Variants in CPSF2 observed in about 807,000 individuals in gnomAD.
CPSF2 encodes the protein cleavage and polyadenylation specific factor 2.
CPSF2 carries 51 observed loss-of-function variants against 84.2 expected under a neutral mutation model. That is an observed-to-expected ratio of 0.61 (90% CI 0.48 to 0.77). The LOEUF is 0.77. Ranked by LOEUF, CPSF2 falls within the 30% of genes least tolerant of loss-of-function variation. CPSF2 has a pLI of 0.00. For synonymous variants in CPSF2, 286 were observed against 311.9 expected, an observed-to-expected ratio of 0.92 and a Z score of 0.87; for missense variants, 641 against 929.4, an observed-to-expected ratio of 0.69 and a Z score of 4.03.
chr14:92,136,808 A>G (rs1042227139), intron 6 of CPSF2, among the ~76,000 whole-genome samples: 4 of 152,220 alleles, frequency 2.6e-5, no homozygotes, highest in Non-Finnish European at 5.9e-5. Flanking sequence ...GAAGGATTCA[A>G]CCATTTTGGA....
intron 14 of CPSF2, 92 bp downstream of exon 14, chr14:92,159,374 T>G: frequency 1.0e-6 from 1 of 968,604 alleles, no homozygotes; most frequent in Non-Finnish European, 1.6e-6. Context: ...CTTCTAAAAC[T>G]AAGTGGGTCT....
intron 9 of CPSF2, among the ~76,000 whole-genome samples, 193 bp downstream of exon 9, chr14:92,143,487 G>C (rs1014035627): frequency 6.6e-6 from 1 of 152,086 alleles, no homozygotes; most frequent in African/African-American, 2.4e-5. Flanking sequence ...AGGACCACTC[G>C]AGCCCAGGAA....
Position 92,154,379 on chromosome 14 carries a change from G to C in CPSF2, c.1162G>C (p.Glu388Gln). 6.2e-7 allele frequency: 1 copy of C among 1,605,198 alleles called. No homozygotes were observed. The highest frequency in any genetic ancestry group is 1.1e-5 in the South Asian group (1 of 89,122). The change falls in exon 10 of 16, where the codon GAA (glutamate) becomes CAA (glutamine). Residue 388 changes from glutamate (E) to glutamine (Q), a missense_variant. Glu to Gln is a conservative substitution (Grantham distance 29). Transcript: ENST00000298875. ...TTAGTTGAGGAAACGTGTGAAGCTT[G>C]AAGGGAAAGAACTTGAAGAATACTT... ...EIELRKRVKLEGKELEEYLEK... is the reference protein window; with the variant it reads ...EIELRKRVKLQGKELEEYLEK...
chr14:92,136,477 G>A (rs2069000334), intron 6 of CPSF2, among the ~76,000 whole-genome samples: 1 of 152,146 alleles, frequency 6.6e-6, no homozygotes, highest in South Asian at 2.1e-4. Flanking sequence ...GGGCAGTCAG[G>A]CCTCAGGTGC....
intron 9 of CPSF2, among the ~76,000 whole-genome samples, chr14:92,146,611 G>GAC (rs1277029964): frequency 6.6e-6 from 1 of 152,182 alleles, no homozygotes; most frequent in African/African-American, 2.4e-5. Context: ...ATTGTTGTAT[G>GAC]ACAGATCTCT....
In CPSF2 at chr14:92,171,512, A is replaced by C. The variant is rs749703718; in HGVS notation, c.*9768A>C. The C allele has an allele frequency of 6.6e-6, 1 of 152,272 alleles. No homozygotes were observed. Among genetic ancestry groups the C allele is most frequent in the Non-Finnish European group, 1.5e-5 (1 of 68,054 alleles). 9.4% of individuals were successfully genotyped at this position (152,272 alleles called of 1,614,324 possible). A position where few individuals can be genotyped will look rare whatever the true frequency, so the allele number is the denominator to read the frequency against. On this transcript the variant is annotated 3_prime_UTR_variant, in exon 16 of 16. Transcript: ENST00000298875. Reference sequence around the variant, plus strand: ...GAGCACTTCCTTGCTTTCTGGCACCACAAGATGTTCCAGGCTCGTCTTCTA... The same window carrying C: ...GAGCACTTCCTTGCTTTCTGGCACCCCAAGATGTTCCAGGCTCGTCTTCTA...
At chr14:92,136,265 T>C (rs755067595) in intron 6 of CPSF2, among the ~76,000 whole-genome samples, 1 of 152,214 alleles carries the variant, frequency 6.6e-6, no homozygotes, top group Non-Finnish European at 1.5e-5. Flanking sequence ...AAGAAATATT[T>C]AAGACAAATA....
rs1236957960 is a variant in CPSF2, at chr14:92,168,308, C to T, written c.*6564C>T. The T allele has an allele frequency of 1.3e-5, 2 of 149,976 alleles. No individual in the cohort carries two copies. Among genetic ancestry groups the T allele is most frequent in the Admixed American group, 1.3e-4 (2 of 14,988 alleles). The allele number at this position is 149,976 out of a possible 1,614,324, so 9.3% of individuals were successfully genotyped here. Reference sequence around the variant, plus strand: ...TAGAGAAGGAACATTCAAATCTTCCCACGTGGGCAAGTTCCAAGCAAATGT... The same window carrying T: ...TAGAGAAGGAACATTCAAATCTTCCTACGTGGGCAAGTTCCAAGCAAATGT... On this transcript the variant is annotated 3_prime_UTR_variant, in exon 16 of 16. Coordinates refer to ENST00000298875, the MANE Select transcript of CPSF2 (RefSeq NM_017437.3).
In CPSF2 at chr14:92,168,389, G is replaced by T. The variant is rs1482729711; in HGVS notation, c.*6645G>T. On this transcript the variant is annotated 3_prime_UTR_variant, in exon 16 of 16. Transcript: ENST00000298875. Reference sequence around the variant, plus strand: ...CTCACTTGAAGCACTTTGTGTTTATGGGAAAATACCAAAAATTACCAAAAT... The same window carrying T: ...CTCACTTGAAGCACTTTGTGTTTATTGGAAAATACCAAAAATTACCAAAAT... The T allele has an allele frequency of 6.6e-6, 1 of 151,824 alleles. No individual in the cohort carries two copies. Among genetic ancestry groups the T allele is most frequent in the Non-Finnish European group, 1.5e-5 (1 of 68,000 alleles). The allele number at this position is 151,824 out of a possible 1,614,324, so 9.4% of individuals were successfully genotyped here. A position where few individuals can be genotyped will look rare whatever the true frequency, so the allele number is the denominator to read the frequency against.
chr14:92,151,478 A>C (rs567990109), intron 9 of CPSF2, among the ~76,000 whole-genome samples: 2 of 152,118 alleles, frequency 1.3e-5, no homozygotes, highest in African/African-American at 4.8e-5. Context: ...TAAAAAGTCT[A>C]TTAGTATGGT....
Position 92,143,036 on chromosome 14 carries a change from T to C in CPSF2, c.882T>C (p.Cys294=), listed in dbSNP as rs1243875247. ...VEWMSDKLMR[C]FEDKRNNPFQ... is the part of the protein sequence containing the mutation. ...GGATGAGTGATAAATTGATGAGATGTTTTGAAGACAAAAGAAATAATCCGT... is the reference window on the plus strand; with the variant it reads ...GGATGAGTGATAAATTGATGAGATGCTTTGAAGACAAAAGAAATAATCCGT... The change falls in exon 9 of 16, where the codon TGT becomes TGC. Residue 294 remains cysteine, a synonymous_variant. Coordinates refer to ENST00000298875, the MANE Select transcript of CPSF2 (RefSeq NM_017437.3). The C allele has an allele frequency of 6.2e-7, 1 of 1,613,644 alleles. No individual in the cohort carries two copies. The highest frequency in any genetic ancestry group is 1.1e-5 in the South Asian group (1 of 91,022).
chr14:92,148,771 CAA>C (rs34118244), intron 9 of CPSF2, among the ~76,000 whole-genome samples: 3 of 74,844 alleles, frequency 4.0e-5, no homozygotes, highest in Non-Finnish European at 5.9e-5. Flanking sequence ...GGCCTCTTCT[CAA>C]AAAAAAAAAA....
chr14:92,137,285 C>T (rs946355778), intron 6 of CPSF2, among the ~76,000 whole-genome samples: 1 of 152,130 alleles, frequency 6.6e-6, no homozygotes, highest in Non-Finnish European at 1.5e-5. Flanking sequence ...TCACGGCTCA[C>T]TGTAGTGTCG....
intron 15 of CPSF2, 89 bp from the exon 16 acceptor site, chr14:92,161,563 A>C: frequency 1.1e-6 from 1 of 881,474 alleles, no homozygotes. Flanking sequence ...ACCAATCATA[A>C]AGTAATCTAT....
In CPSF2 at chr14:92,146,554, C is replaced by G. The variant is rs147619365; in HGVS notation, c.1140+3260C>G. On this transcript the variant is annotated intron_variant, in intron 9 of 15. Coordinates refer to ENST00000298875, the MANE Select transcript of CPSF2 (RefSeq NM_017437.3). ...AACAAAAACACATACAGTTCACTCTCTTAACCATTTTTATGTGTACAGTAC... is the reference window on the plus strand; with the variant it reads ...AACAAAAACACATACAGTTCACTCTGTTAACCATTTTTATGTGTACAGTAC... 2.8e-3 allele frequency among the ~76,000 whole-genome samples: 427 copies of G among 152,222 alleles called. 4 individuals are homozygous for G. Among genetic ancestry groups the G allele is most frequent in the African/African-American group, 9.9e-3 (412 of 41,548 alleles).
chr14:92,127,525 A>G (rs553713975), intron 2 of CPSF2, among the ~76,000 whole-genome samples: 38 of 152,342 alleles, frequency 2.5e-4, no homozygotes, highest in African/African-American at 8.2e-4. Flanking sequence ...AAGTGGAGAT[A>G]TATCTGTGGA....
rs751718041 is a variant in CPSF2 at position 92,130,942 on chromosome 14, A to G, written c.-34-9A>G. On this transcript the variant is annotated splice_polypyrimidine_tract_variant and intron_variant, in intron 2 of 15. Transcript: ENST00000298875. ...TTATGTTTAATTATGTTTTCATTTC[A>G]TTTGAAAGACTCTTCTAGCTTGCTG... 2 of 1,547,072 alleles carry G rather than the reference A, an allele frequency of 1.3e-6. No homozygotes were observed. The highest frequency in any genetic ancestry group is 1.8e-6 in the Non-Finnish European group (2 of 1,139,660).
intron 6 of CPSF2, among the ~76,000 whole-genome samples, chr14:92,136,497 T>C (rs2069000611): frequency 6.6e-6 from 1 of 152,204 alleles, no homozygotes; most frequent in East Asian, 1.9e-4. Context: ...CAGGTGTTTC[T>C]TGTGATTAGA....
intron 7 of CPSF2, among the ~76,000 whole-genome samples, 192 bp downstream of exon 7, chr14:92,138,539 T>C (rs1229733869): frequency 6.6e-6 from 1 of 151,960 alleles, no homozygotes; most frequent in South Asian, 2.1e-4. Flanking sequence ...AAGTGATTCT[T>C]GTGCCTCAGC....
Sources: gnomAD v4.1 joint callset for allele counts (sites outside exome capture counted in the v4.1 genomes callset) on GRCh38, gnomAD v4.1.1 for gene constraint, MANE v1.5 for transcripts, NCBI Gene and HGNC (gene_info 2026-07-23, HGNC 2026-07-21) for gene names.